The following USH2A variants were observed in gnomAD, a reference collection of about 807,000 sequenced individuals.
USH2A encodes usherin.
A neutral mutation model predicts 538.9 loss-of-function variants in USH2A; 443 were observed. The observed-to-expected ratio is 0.82, with a 90% CI of 0.76 to 0.89. USH2A has a LOEUF of 0.89. Ranked by LOEUF, USH2A falls within the 40% of genes least tolerant of loss-of-function variation. USH2A has a pLI of 0.00. For missense variants in USH2A, 6,633 were observed against 6,324.8 expected (o/e 1.05, Z -1.65); for synonymous variants, 2,413 against 2,273.5 (o/e 1.06, Z -1.75).
At chr1:216,257,839 T>A (rs150120133) in intron 11 of USH2A, among the ~76,000 whole-genome samples, 4 of 152,076 alleles carry the variant, frequency 2.6e-5, no homozygotes, top group Non-Finnish European at 5.9e-5. Flanking sequence ...GTTTAATGTA[T>A]AATCAATTAT....
intron 21 of USH2A, among the ~76,000 whole-genome samples, chr1:216,120,081 A>G (rs543339802): frequency 1.4e-3 from 207 of 152,184 alleles, no homozygotes; most frequent in African/African-American, 4.9e-3. Flanking sequence ...TATTTTTTTC[A>G]GTCATCCAGG....
intron 60 of USH2A, among the ~76,000 whole-genome samples, chr1:215,732,543 T>TC (rs1660028464): frequency 4.9e-5 from 6 of 123,346 alleles, no homozygotes; most frequent in African/African-American, 1.7e-4. Context: ...CTTTTTTCTT[T>TC]CTTTTTTTTT....
intron 21 of USH2A, among the ~76,000 whole-genome samples, chr1:216,162,172 A>G (rs2034071800): frequency 6.6e-6 from 1 of 151,388 alleles, no homozygotes; most frequent in African/African-American, 2.4e-5. Context: ...CAAATACCTC[A>G]TTGTTCTTTT....
chr1:216,166,901 C>T (rs940954689), intron 21 of USH2A, among the ~76,000 whole-genome samples: 32 of 152,196 alleles, frequency 2.1e-4, no homozygotes, highest in African/African-American at 7.5e-4. Flanking sequence ...AAGGATGCCC[C>T]TTTTTTGTGA....
rs149644385 is a variant in USH2A at position 215,757,587 on chromosome 1, T to C, written c.11389+1008A>G. Among the ~76,000 whole-genome samples the C allele has an allele frequency of 3.9e-3, 593 of 152,324 alleles. 2 individuals carry two copies. Among genetic ancestry groups the C allele is most frequent in the African/African-American group, 0.012 (516 of 41,568 alleles). The stretch of plus-strand genomic sequence containing the variant: ...ATATTAAAAATAAAGTCACATAATT[T>C]TGAAGTGTTTTTAACATCTTAACCA... On this transcript the variant is annotated intron_variant, in intron 58 of 71. Coordinates refer to ENST00000307340, the MANE Select transcript of USH2A (RefSeq NM_206933.4).
intron 9 of USH2A, among the ~76,000 whole-genome samples, chr1:216,308,800 CTT>C (rs2037365639): frequency 6.6e-6 from 1 of 152,062 alleles, no homozygotes; most frequent in Admixed American, 6.6e-5. Context: ...GCCTCTTTTT[CTT>C]TAATGAAACA....
At chr1:216,086,547 A>G (rs1032056769) in intron 24 of USH2A, among the ~76,000 whole-genome samples, 172 bp downstream of exon 24, 1 of 152,164 alleles carries the variant, frequency 6.6e-6, no homozygotes, top group Non-Finnish European at 1.5e-5. Flanking sequence ...TACAAGTCAT[A>G]TGGAATACAT....
chr1:215,908,796 C>T (rs1394256575), intron 38 of USH2A, among the ~76,000 whole-genome samples: 1 of 151,648 alleles, frequency 6.6e-6, no homozygotes, highest in African/African-American at 2.4e-5. Flanking sequence ...CAGAATGATG[C>T]ATCTTTAGGG....
rs1334472814 is a variant in USH2A, at chr1:216,422,026, C to A, written c.311G>T (p.Gly104Val). ...HPTYTALFSAGLSSCITPDKN... is the reference protein window; with the variant it reads ...HPTYTALFSAVLSSCITPDKN... ...GTCTGGTGTGATGCAGCTACTGAGG[C>A]CTGCTGAGAAAAGGGCAGTGTAGGT... Residue 104 changes from glycine to valine, a missense_variant, in exon 2 of 72, where the codon GGC (glycine) becomes GTC (valine). By Grantham distance (109) the Gly-to-Val change is moderately radical. Coordinates refer to ENST00000307340, the MANE Select transcript of USH2A (RefSeq NM_206933.4). 1.2e-6 allele frequency: 2 copies of A among 1,613,750 alleles called. No homozygotes were observed. Among genetic ancestry groups the A allele is most frequent in the South Asian group, 1.1e-5 (1 of 91,086 alleles).
chr1:215,703,469 T>C (rs1449038608), intron 61 of USH2A, among the ~76,000 whole-genome samples: 1 of 152,130 alleles, frequency 6.6e-6, no homozygotes, highest in Non-Finnish European at 1.5e-5. Flanking sequence ...TTCTCTAAGT[T>C]CCTGACTGGG....
chr1:216,185,093 C>T (rs1351384997), intron 20 of USH2A, among the ~76,000 whole-genome samples: 2 of 151,856 alleles, frequency 1.3e-5, no homozygotes, highest in African/African-American at 4.8e-5. Flanking sequence ...AAAAGTGTAA[C>T]AAGGATTTTA....
At chr1:215,672,920 G>C (rs1299201999) in intron 63 of USH2A, among the ~76,000 whole-genome samples, 1 of 152,088 alleles carries the variant, frequency 6.6e-6, no homozygotes, top group Non-Finnish European at 1.5e-5. Flanking sequence ...TTCATGCCTG[G>C]ACAAACTCTT....
intron 35 of USH2A, among the ~76,000 whole-genome samples, chr1:215,989,513 G>T (rs536924021): frequency 1.4e-4 from 21 of 152,274 alleles, no homozygotes; most frequent in Admixed American, 9.8e-4. Context: ...AGATAAGAGT[G>T]AAGGAACCTA....
At chr1:216,213,415 A>G (rs2102490519) in intron 15 of USH2A, among the ~76,000 whole-genome samples, 1 of 152,156 alleles carries the variant, frequency 6.6e-6, no homozygotes, top group Non-Finnish European at 1.5e-5. Flanking sequence ...ATTATTGAAT[A>G]TGATGTTAGC....
intron 4 of USH2A, among the ~76,000 whole-genome samples, chr1:216,330,358 T>G (rs115078422): frequency 0.015 from 2,212 of 152,150 alleles, 50 homozygotes; most frequent in African/African-American, 0.05. Context: ...TAGAGCAGGT[T>G]GGAGAGCATG....
chr1:215,770,684 A>T (rs568314254), intron 55 of USH2A, among the ~76,000 whole-genome samples: 15 of 152,242 alleles, frequency 9.9e-5, no homozygotes, highest in African/African-American at 3.6e-4. Flanking sequence ...TGTGCACTTC[A>T]TGGGTGTTAA....
At chr1:215,770,520 G>T (rs6699592) in intron 55 of USH2A, among the ~76,000 whole-genome samples, 53,230 of 151,714 alleles carry the variant, frequency 0.35, 12,230 homozygotes, top group African/African-American at 0.65. Flanking sequence ...GTTTTTGTTG[G>T]TCTGTTTTTA....
chr1:216,049,895 T>C (rs2030681747), intron 30 of USH2A, among the ~76,000 whole-genome samples: 1 of 152,142 alleles, frequency 6.6e-6, no homozygotes, highest in Non-Finnish European at 1.5e-5. Flanking sequence ...CATGAAAATA[T>C]TCATCCACTT....
chr1:216,037,809 T>TG (rs1277259648), intron 32 of USH2A, among the ~76,000 whole-genome samples: 2 of 149,170 alleles, frequency 1.3e-5, no homozygotes, highest in Non-Finnish European at 3.0e-5. Context: ...ACCCATTAGT[T>TG]TTTTTTTTTT....
Sources: gnomAD v4.1 joint callset for allele counts (sites outside exome capture counted in the v4.1 genomes callset) on GRCh38, gnomAD v4.1.1 for gene constraint, MANE v1.5 for transcripts, NCBI Gene and HGNC (gene_info 2026-07-23, HGNC 2026-07-21) for gene names.